Variants in SLC12A1 observed in about 807,000 individuals in gnomAD.
SLC12A1 encodes solute carrier family 12 member 1.
SLC12A1 carries 89 observed loss-of-function variants against 130.4 expected under a neutral mutation model. The ratio of observed to expected loss-of-function variants is 0.68; its 90% CI spans 0.58 to 0.81. SLC12A1 has a LOEUF of 0.81. Among genes scored for constraint, SLC12A1 ranks in the 40% least tolerant of loss-of-function variants. The probability of loss-of-function intolerance (pLI) is 0.00; values close to 1 mark genes in which losing one functional copy is unlikely to be tolerated. For missense variants in SLC12A1, 1,310 were observed against 1,336.4 expected, an observed-to-expected ratio of 0.98 and a Z score of 0.31; for synonymous variants, 499 against 460.0, an observed-to-expected ratio of 1.08 and a Z score of -1.09.
intron 11 of SLC12A1, among the ~76,000 whole-genome samples, chr15:48,246,242 T>TA (rs1477504239): frequency 2.0e-5 from 3 of 152,210 alleles, no homozygotes; most frequent in East Asian, 3.9e-4. Context: ...TTAATGGCTG[T>TA]AAAAAAGACT....
intron 4 of SLC12A1, chr15:48,225,106 A>T (rs1483557240): frequency 6.6e-6 from 1 of 152,206 alleles, no homozygotes; most frequent in East Asian, 1.9e-4. Flanking sequence ...TCCATGTGCT[A>T]TGCTAGCCAT....
At chr15:48,214,231 G>C (rs952371624) in intron 2 of SLC12A1, among the ~76,000 whole-genome samples, 9 of 152,030 alleles carry the variant, frequency 5.9e-5, no homozygotes, top group Non-Finnish European at 1.0e-4. Context: ...CTCAGGGCCA[G>C]TTCCCCGGGG....
At chr15:48,247,258 A>G in intron 12 of SLC12A1, 79 bp from the exon 13 acceptor site, 6 of 1,444,532 alleles carry the variant, frequency 4.2e-6, no homozygotes, top group Non-Finnish European at 4.7e-6. Flanking sequence ...CTTTCCCCAA[A>G]TCTTCTTGTT....
intron 2 of SLC12A1, among the ~76,000 whole-genome samples, chr15:48,208,461 C>T (rs999516282): frequency 1.3e-5 from 2 of 151,952 alleles, no homozygotes; most frequent in Non-Finnish European, 2.9e-5. Context: ...TGCAGGCATG[C>T]ACCACCACAC....
chr15:48,257,850 C>G (rs961744505), intron 16 of SLC12A1, among the ~76,000 whole-genome samples: 1 of 152,216 alleles, frequency 6.6e-6, no homozygotes, highest in Non-Finnish European at 1.5e-5. Context: ...CTCCTTGTTA[C>G]CTATGCAAAT....
chr15:48,232,031 A>T (rs562847387), intron 7 of SLC12A1, among the ~76,000 whole-genome samples: 4 of 152,310 alleles, frequency 2.6e-5, no homozygotes, highest in African/African-American at 9.6e-5. Context: ...AATAAAATAA[A>T]AAAACATAAA....
chr15:48,228,180 G>C (rs1343741082), intron 5 of SLC12A1: 1 of 152,064 alleles, frequency 6.6e-6, no homozygotes, highest in African/African-American at 2.4e-5. Context: ...CTAACATCTA[G>C]TGCTTTTCAC....
intron 20 of SLC12A1, among the ~76,000 whole-genome samples, chr15:48,278,882 C>A (rs1039167827): frequency 6.6e-6 from 1 of 152,140 alleles, no homozygotes; most frequent in Non-Finnish European, 1.5e-5. Context: ...TTCTATAAAG[C>A]AATACAGCAA....
chr15:48,207,049 AACATGT>A (rs2140998156), intron 1 of SLC12A1, among the ~76,000 whole-genome samples: 1 of 152,304 alleles, frequency 6.6e-6, no homozygotes, highest in Admixed American at 6.5e-5. Context: ...TTATAAGTTG[AACATGT>A]ACAGATTTTT....
chr15:48,296,060 A>G (rs2042174932), intron 24 of SLC12A1, among the ~76,000 whole-genome samples: 1 of 152,182 alleles, frequency 6.6e-6, no homozygotes, highest in Admixed American at 6.5e-5. Flanking sequence ...CCCAGGGGCT[A>G]AGGCTTAGAG....
At chr15:48,294,070 C>T (rs1361199072) in intron 24 of SLC12A1, among the ~76,000 whole-genome samples, 1 of 149,976 alleles carries the variant, frequency 6.7e-6, no homozygotes, top group South Asian at 2.1e-4. Context: ...GAAAAAGGAG[C>T]CAAGCACTGT....
chr15:48,299,025 T>A, intron 24 of SLC12A1, 115 bp from the exon 25 acceptor site: 1 of 875,218 alleles, frequency 1.1e-6, no homozygotes, highest in Non-Finnish European at 1.8e-6. Context: ...CTTAAAAGAT[T>A]TGCATGATAT....
chr15:48,267,489 G>C, intron 17 of SLC12A1, 72 bp from the exon 18 acceptor site: 1 of 1,539,786 alleles, frequency 6.5e-7, no homozygotes. Flanking sequence ...GGCTATTTTT[G>C]TCCTTTAGAA....
chr15:48,246,945 A>G lies in SLC12A1; in HGVS notation c.1489A>G (p.Thr497Ala), dbSNP rs556514953. Residue 497 changes from threonine to alanine, a missense_variant, in exon 12 of 27, where the codon ACT becomes GCT. Thr to Ala is a moderately conservative substitution (Grantham distance 58). Transcript: ENST00000380993. ...GGTATCAGGGTTCGGCCCCCTCATC[A>G]CTGCGGGAATCTTTTCTGCAACACT... Reference protein sequence around the residue: ...SMVSGFGPLITAGIFSATLSS... With the variant: ...SMVSGFGPLIAAGIFSATLSS... 1.7e-5 allele frequency: 27 copies of G among 1,613,764 alleles called. No homozygotes were observed. The highest frequency in any genetic ancestry group is 5.0e-5 in the Admixed American group (3 of 59,994).
chr15:48,209,603 G>A (rs1322225588), intron 2 of SLC12A1, among the ~76,000 whole-genome samples: 7 of 152,038 alleles, frequency 4.6e-5, no homozygotes, highest in Admixed American at 2.6e-4. Flanking sequence ...TCATCCATTC[G>A]TTCCTTCAAT....
At chr15:48,235,298 C>A in intron 9 of SLC12A1, 1 of 384,784 alleles carries the variant, frequency 2.6e-6, no homozygotes. Context: ...CCAGAACCAC[C>A]CTTTCTCTTT....
intron 4 of SLC12A1, 55 bp downstream of exon 4, chr15:48,221,051 G>T: frequency 6.7e-7 from 1 of 1,502,650 alleles, no homozygotes; most frequent in Non-Finnish European, 9.3e-7. Context: ...AATTCAATAA[G>T]CAATCTTTTT....
rs1336146769 is a variant in SLC12A1, at chr15:48,232,785, C to A, written c.1034C>A (p.Thr345Asn). 6.2e-7 allele frequency: 1 copy of A among 1,613,280 alleles called. No individual in the cohort carries two copies. Among genetic ancestry groups the A allele is most frequent in the Admixed American group, 1.7e-5 (1 of 60,000 alleles). The change falls in exon 8 of 27, where the codon ACT (threonine) becomes AAT (asparagine). Residue 345 changes from threonine to asparagine, a missense_variant. Transcript: ENST00000380993. ...LIAIANFFIG[T>N]VIPSNNEKKS... ...GCTATTGCAAACTTCTTCATTGGAACTGTCATTCCATCCAACAATGAGAAA... is the reference window on the plus strand; with the variant it reads ...GCTATTGCAAACTTCTTCATTGGAAATGTCATTCCATCCAACAATGAGAAA...
At position 48,303,770 on chromosome 15, in the gene SLC12A1, T is replaced by G. The variant is rs2042259095; in HGVS notation, c.*885T>G. Reference sequence around the variant, plus strand: ...CTACTTGAAAACTAAGTGCTACAAATTTTCAAACCATTATTAAGAAATATA... The same window carrying G: ...CTACTTGAAAACTAAGTGCTACAAAGTTTCAAACCATTATTAAGAAATATA... On this transcript the variant is annotated 3_prime_UTR_variant, in exon 27 of 27. Coordinates refer to ENST00000380993, the MANE Select transcript of SLC12A1 (RefSeq NM_000338.3). The G allele has an allele frequency of 6.6e-6, 1 of 152,198 alleles. No individual in the cohort carries two copies. Among genetic ancestry groups the G allele is most frequent in the Non-Finnish European group, 1.5e-5 (1 of 68,028 alleles). The allele number at this position is 152,198 out of a possible 1,614,324, so 9.4% of individuals were successfully genotyped here.
Sources: allele counts gnomAD v4.1 joint callset (sites outside exome capture counted in the v4.1 genomes callset), GRCh38; gene constraint gnomAD v4.1.1; transcripts MANE v1.5; gene names NCBI Gene and HGNC (gene_info 2026-07-23, HGNC 2026-07-21).